MRGPRX2: variants seen among roughly 807,000 people sequenced by gnomAD.
The protein encoded by MRGPRX2 is MAS related GPR family member X2.
For synonymous variants in MRGPRX2, 183 were observed against 175.6 expected (o/e 1.04, Z -0.33); for missense variants, 389 against 404.5 (o/e 0.96, Z 0.33).
At chr11:19,059,353 G>A (rs1849647060) in intron 1 of MRGPRX2, among the ~76,000 whole-genome samples, 1 of 152,204 alleles carries the variant, frequency 6.6e-6, no homozygotes, top group African/African-American at 2.4e-5. Context: ...GAAATTGGAA[G>A]GAGCCTTGAT....
In MRGPRX2 at chr11:19,055,452, G is replaced by T. The variant is rs201078956; in HGVS notation, c.951C>A (p.Phe317Leu). 3.7e-6 allele frequency: 6 copies of T among 1,611,494 alleles called. No individual in the cohort carries two copies. The highest frequency in any genetic ancestry group is 4.2e-6 in the Non-Finnish European group (5 of 1,177,744). The change falls in exon 2 of 2, where the codon TTC becomes TTA. Residue 317 changes from phenylalanine (F) to leucine (L), a missense_variant. Coordinates refer to ENST00000329773, the MANE Select transcript of MRGPRX2 (RefSeq NM_054030.4). ...TCGACATCTCCGGGGTGCCCTGACGGAAGCATCCTTCACTGTGATCCACCT... is the reference window on the plus strand; with the variant it reads ...TCGACATCTCCGGGGTGCCCTGACGTAAGCATCCTTCACTGTGATCCACCT... ...IAEVDHSEGCFRQGTPEMSRS... is the reference protein window; with the variant it reads ...IAEVDHSEGCLRQGTPEMSRS...
chr11:19,060,289 C>G (rs1275656027), intron 1 of MRGPRX2, among the ~76,000 whole-genome samples: 3 of 152,194 alleles, frequency 2.0e-5, no homozygotes, highest in African/African-American at 7.2e-5. Context: ...ACAAGAAAAT[C>G]AGTGCAACCT....
rs200336580 is a variant in MRGPRX2 at position 19,056,019 on chromosome 11, G to A, written c.384C>T (p.Cys128=). 5 of 1,614,260 alleles carry A rather than the reference G, an allele frequency of 3.1e-6. No homozygotes were observed. In the African/African-American group the frequency reaches 4.0e-5, roughly 13 times the overall value. The change falls in exon 2 of 2, where the codon TGC becomes TGT. Residue 128 remains cysteine (C), a synonymous_variant. Transcript: ENST00000329773. ...SMLSTVSTER[C]LSVLWPIWYR... ...ACCAGATGGGCCACAGGACGGACAG[G>A]CAGCGCTCGGTGCTGACGGTGCTCA...
In MRGPRX2 at chr11:19,055,932, G is replaced by A; in HGVS notation, c.471C>T (p.Ser157=). The A allele has an allele frequency of 6.2e-7, 1 of 1,614,202 alleles. No homozygotes were observed. The change falls in exon 2 of 2, where the codon TCC becomes TCT. Residue 157 remains serine, a synonymous_variant. Coordinates refer to ENST00000329773, the MANE Select transcript of MRGPRX2 (RefSeq NM_054030.4). ...TCCCTTCCAAGATGCTCAGCAGTAGGGACAGGGCCCAGAGCAGGACACACA... is the reference window on the plus strand; with the variant it reads ...TCCCTTCCAAGATGCTCAGCAGTAGAGACAGGGCCCAGAGCAGGACACACA... ...AVVCVLLWAL[S]LLLSILEGKF...
In MRGPRX2 at chr11:19,054,977, C is replaced by T. The variant is rs552541507; in HGVS notation, c.*433G>A. ...TCTGCCAAAATGAAAGACGACTGCT[C>T]TTTTGGAGCTAGTTTTAAATTTAAT... is the stretch of plus-strand genomic sequence containing the variant. On this transcript the variant is annotated 3_prime_UTR_variant, in exon 2 of 2. Coordinates refer to ENST00000329773, the MANE Select transcript of MRGPRX2 (RefSeq NM_054030.4). The T allele has an allele frequency of 5.7e-4, 89 of 155,186 alleles. No individual in the cohort carries two copies. The highest frequency in any genetic ancestry group is 1.2e-3 in the Non-Finnish European group (82 of 69,902). The allele number at this position is 155,186 out of a possible 1,614,324, so 9.6% of individuals were successfully genotyped here. A position where few individuals can be genotyped will look rare whatever the true frequency, so the allele number is the denominator to read the frequency against.
At position 19,055,394 on chromosome 11, in the gene MRGPRX2, T is replaced by C; in HGVS notation, c.*16A>G. ...CAAAGCCACATATATCTGATGGAAGTAGAGGCTGTCCATCTCTACACCAGA... is the reference window on the plus strand; with the variant it reads ...CAAAGCCACATATATCTGATGGAAGCAGAGGCTGTCCATCTCTACACCAGA... On this transcript the variant is annotated 3_prime_UTR_variant, in exon 2 of 2. Transcript: ENST00000329773. 6.3e-7 allele frequency: 1 copy of C among 1,586,568 alleles called. No individual in the cohort carries two copies. Among genetic ancestry groups the C allele is most frequent in the Non-Finnish European group, 8.6e-7 (1 of 1,161,710 alleles).
chr11:19,059,910 A>T (rs1419697468), intron 1 of MRGPRX2, among the ~76,000 whole-genome samples: 1 of 152,088 alleles, frequency 6.6e-6, no homozygotes. Context: ...ATGATTTTTT[A>T]AAAATTTCCT....
At chr11:19,058,724 C>A (rs1376346990) in intron 1 of MRGPRX2, among the ~76,000 whole-genome samples, 2 of 152,150 alleles carry the variant, frequency 1.3e-5, no homozygotes, top group Non-Finnish European at 2.9e-5. Flanking sequence ...CCGTGCCCGG[C>A]CCTGCACCTG....
Position 19,055,380 on chromosome 11 carries a change from A to G in MRGPRX2, c.*30T>C, listed in dbSNP as rs1348311376. On this transcript the variant is annotated 3_prime_UTR_variant, in exon 2 of 2. Coordinates refer to ENST00000329773, the MANE Select transcript of MRGPRX2 (RefSeq NM_054030.4). ...GCAAAGTTGCCTCTCAAAGCCACATATATCTGATGGAAGTAGAGGCTGTCC... is the reference window on the plus strand; with the variant it reads ...GCAAAGTTGCCTCTCAAAGCCACATGTATCTGATGGAAGTAGAGGCTGTCC... The G allele has an allele frequency of 6.4e-7, 1 of 1,571,286 alleles. No individual in the cohort carries two copies. The highest frequency in any genetic ancestry group is 8.7e-7 in the Non-Finnish European group (1 of 1,155,904).
rs753705512 is a variant in MRGPRX2 at position 19,054,611 on chromosome 11, T to G, written c.*799A>C. 1 of 152,066 alleles carries G rather than the reference T, an allele frequency of 6.6e-6. No homozygotes were observed. The highest frequency in any genetic ancestry group is 1.5e-5 in the Non-Finnish European group (1 of 68,010). 9.4% of individuals were successfully genotyped at this position (152,066 alleles called of 1,614,324 possible). A position where few individuals can be genotyped will look rare whatever the true frequency, so the allele number is the denominator to read the frequency against. ...TGGAGTCTATAAGACCACTGGAAACTTCCAGGACGAATTAGAGAGCCCCCA... is the reference window on the plus strand; with the variant it reads ...TGGAGTCTATAAGACCACTGGAAACGTCCAGGACGAATTAGAGAGCCCCCA... On this transcript the variant is annotated 3_prime_UTR_variant, in exon 2 of 2. Transcript: ENST00000329773.
intron 1 of MRGPRX2, among the ~76,000 whole-genome samples, chr11:19,058,706 G>A (rs575355949): frequency 4.6e-5 from 7 of 152,034 alleles, no homozygotes; most frequent in Non-Finnish European, 5.9e-5. Context: ...GATTACAGGC[G>A]TGAGCCACCG....
intron 1 of MRGPRX2, among the ~76,000 whole-genome samples, chr11:19,057,787 G>C (rs991114768): frequency 6.6e-6 from 1 of 152,136 alleles, no homozygotes; most frequent in Non-Finnish European, 1.5e-5. Flanking sequence ...TTCAGAGCCT[G>C]GTGAGGTCAG....
At chr11:19,059,433 C>T (rs761476885) in intron 1 of MRGPRX2, among the ~76,000 whole-genome samples, 14 of 152,152 alleles carry the variant, frequency 9.2e-5, no homozygotes, top group Admixed American at 3.9e-4. Context: ...TAATAGGTTT[C>T]TTTTTAGAGA....
In MRGPRX2 at chr11:19,056,105, T is replaced by C. The variant is rs374152084; in HGVS notation, c.298A>G (p.Asn100Asp). ...LSNFFCSISINFPSFFTTVMT... is the reference protein window; with the variant it reads ...LSNFFCSISIDFPSFFTTVMT... ...ACAGTGGTGAAGAAGCTAGGGAAAT[T>C]GATGGAGATGGAACAGAAGAAGTTA... The change falls in exon 2 of 2, where the codon AAT becomes GAT. Residue 100 changes from asparagine (N) to aspartate (D), a missense_variant. By Grantham distance (23) the Asn-to-Asp change is conservative (BLOSUM62 1). Coordinates refer to ENST00000329773, the MANE Select transcript of MRGPRX2 (RefSeq NM_054030.4). 2 of 1,614,072 alleles carry C rather than the reference T, an allele frequency of 1.2e-6. No individual in the cohort carries two copies. The highest frequency in any genetic ancestry group is 1.7e-6 in the Non-Finnish European group (2 of 1,180,020).
Position 19,054,751 on chromosome 11 carries a change from A to T in MRGPRX2, c.*659T>A, listed in dbSNP as rs1315461967. 2.0e-5 allele frequency: 3 copies of T among 152,240 alleles called. No individual in the cohort carries two copies. The highest frequency in any genetic ancestry group is 4.4e-5 in the Non-Finnish European group (3 of 68,050). The allele number at this position is 152,240 out of a possible 1,614,324, so 9.4% of individuals were successfully genotyped here. Reference sequence around the variant, plus strand: ...AGGAAGACAGTGTACCTCAAACTTTAAATATGTGTTGACATTGATTTATCT... The same window carrying T: ...AGGAAGACAGTGTACCTCAAACTTTTAATATGTGTTGACATTGATTTATCT... On this transcript the variant is annotated 3_prime_UTR_variant, in exon 2 of 2. Coordinates refer to ENST00000329773, the MANE Select transcript of MRGPRX2 (RefSeq NM_054030.4).
intron 1 of MRGPRX2, among the ~76,000 whole-genome samples, chr11:19,059,243 C>G (rs569318914): frequency 4.6e-5 from 7 of 152,268 alleles, no homozygotes; most frequent in African/African-American, 1.7e-4. Context: ...TACTCCTGTA[C>G]TCTTTCTTTT....
In MRGPRX2 at chr11:19,055,886, T is replaced by G; in HGVS notation, c.517A>C (p.Ser173Arg). The G allele has an allele frequency of 6.2e-7, 1 of 1,614,042 alleles. No individual in the cohort carries two copies. The highest frequency in any genetic ancestry group is 8.5e-7 in the Non-Finnish European group (1 of 1,180,028). The change falls in exon 2 of 2, where the codon AGT becomes CGT. Residue 173 changes from serine to arginine, a missense_variant. Ser to Arg is a moderately radical substitution (Grantham distance 110, BLOSUM62 -1). Coordinates refer to ENST00000329773, the MANE Select transcript of MRGPRX2 (RefSeq NM_054030.4). ...LEGKFCGFLF[S>R]DGDSGWCQTF... ...TGACACCAACCAGAGTCACCATCAC[T>G]AAATAAGAAGCCACAGAACTTCCCT...
intron 1 of MRGPRX2, 127 bp from the exon 2 acceptor site, chr11:19,056,554 A>G: frequency 1.1e-6 from 1 of 937,814 alleles, no homozygotes; most frequent in Non-Finnish European, 1.6e-6. Flanking sequence ...AGATTAAGTC[A>G]TTTATTAAGG....
chr11:19,059,445 G>A lies in MRGPRX2; in HGVS notation c.-26+1174C>T, dbSNP rs558861436. Reference sequence around the variant, plus strand: ...CTATAATAGGTTTCTTTTTAGAGAAGCCAAAATCATAAACTTACATTACAC... The same window carrying A: ...CTATAATAGGTTTCTTTTTAGAGAAACCAAAATCATAAACTTACATTACAC... On this transcript the variant is annotated intron_variant, in intron 1 of 1. Coordinates refer to ENST00000329773, the MANE Select transcript of MRGPRX2 (RefSeq NM_054030.4). 1.8e-3 allele frequency among the ~76,000 whole-genome samples: 276 copies of A among 152,246 alleles called. 2 individuals are homozygous for A. Among genetic ancestry groups the A allele is most frequent in the African/African-American group, 6.4e-3 (268 of 41,552 alleles).
Sources: allele counts gnomAD v4.1 joint callset (sites outside exome capture counted in the v4.1 genomes callset), GRCh38; gene constraint gnomAD v4.1.1; transcripts MANE v1.5; gene names NCBI Gene and HGNC (gene_info 2026-07-23, HGNC 2026-07-21).